The following EPB41L5 variants were observed in gnomAD, a reference collection of about 807,000 sequenced individuals.
EPB41L5 encodes the protein erythrocyte membrane protein band 4.1 like 5, also known as band 4.1-like protein 5.
In EPB41L5, 55 loss-of-function variants were observed where a neutral mutation model predicts 106.6. The ratio of observed to expected loss-of-function variants is 0.52; its 90% confidence interval spans 0.42 to 0.65. The LOEUF (loss-of-function observed/expected upper bound fraction) is 0.65, where lower values mean the gene tolerates loss of function less well. Among genes scored for constraint, EPB41L5 ranks in the 30% least tolerant of loss-of-function variants. EPB41L5 has a pLI of 0.00. For synonymous variants in EPB41L5, 297 were observed against 306.7 expected, an observed-to-expected ratio of 0.97 and a Z score of 0.33; for missense variants, 871 against 882.1, an observed-to-expected ratio of 0.99 and a Z score of 0.16.
intron 2 of EPB41L5, among the ~76,000 whole-genome samples, chr2:120,031,573 G>C (rs1253207757): frequency 6.6e-6 from 1 of 152,096 alleles, no homozygotes; most frequent in East Asian, 1.9e-4. Context: ...ATAGCTACAA[G>C]GTGAGAAAAA....
At position 120,077,235 on chromosome 2, in the gene EPB41L5, A is replaced by G. The variant is rs780015985; in HGVS notation, c.633A>G (p.Gln211=). 2.0e-5 allele frequency: 32 copies of G among 1,608,426 alleles called. 1 individual carries two copies. Among genetic ancestry groups the G allele is most frequent in the South Asian group, 1.1e-5 (1 of 89,368 alleles). ...IFEKWKEYRG[Q]TPAQAETNYL... Reference sequence around the variant, plus strand: ...TCATTGTTTTAAATTTCAGAGGTCAAACACCAGCACAGGCTGAAACCAATT... The same window carrying G: ...TCATTGTTTTAAATTTCAGAGGTCAGACACCAGCACAGGCTGAAACCAATT... Residue 211 remains glutamine, a synonymous_variant, in exon 9 of 25, where the codon CAA becomes CAG. Transcript: ENST00000263713.
At chr2:120,067,198 T>A (rs1198500012) in intron 3 of EPB41L5, among the ~76,000 whole-genome samples, 2 of 152,236 alleles carry the variant, frequency 1.3e-5, no homozygotes, top group African/African-American at 4.8e-5. Flanking sequence ...AAAAAATATT[T>A]GCTGAACATT....
At chr2:120,085,455 A>C (rs760435301) in intron 10 of EPB41L5, among the ~76,000 whole-genome samples, 1 of 152,072 alleles carries the variant, frequency 6.6e-6, no homozygotes, top group Non-Finnish European at 1.5e-5. Context: ...TTGCTGCCTG[A>C]TTGTTCCTCT....
At chr2:120,028,550 G>A (rs1034544823) in intron 2 of EPB41L5, among the ~76,000 whole-genome samples, 2 of 152,006 alleles carry the variant, frequency 1.3e-5, no homozygotes, top group African/African-American at 4.8e-5. Flanking sequence ...AGATACATAG[G>A]TTTAATTTAG....
chr2:120,061,465 C>T (rs1359961260), intron 3 of EPB41L5, among the ~76,000 whole-genome samples: 5 of 151,788 alleles, frequency 3.3e-5, no homozygotes, highest in African/African-American at 7.2e-5. Context: ...CCTCGTGATC[C>T]GCCCGCCTCG....
chr2:120,112,559 T>A (rs571350918), intron 16 of EPB41L5, among the ~76,000 whole-genome samples: 8 of 152,318 alleles, frequency 5.3e-5, no homozygotes, highest in African/African-American at 1.7e-4. Context: ...GTGGTTGAAG[T>A]TAAGAAGGCT....
intron 2 of EPB41L5, among the ~76,000 whole-genome samples, chr2:120,028,550 GT>G (rs1255892801): frequency 6.6e-6 from 1 of 152,006 alleles, no homozygotes; most frequent in Non-Finnish European, 1.5e-5. Context: ...AGATACATAG[GT>G]TTAATTTAGA....
At chr2:120,152,084 G>C (rs1369178676) in intron 20 of EPB41L5, among the ~76,000 whole-genome samples, 1 of 152,180 alleles carries the variant, frequency 6.6e-6, no homozygotes, top group African/African-American at 2.4e-5. Flanking sequence ...GACAAAAACT[G>C]ACATTCTTAT....
At chr2:120,039,898 G>T (rs761470040) in intron 2 of EPB41L5, among the ~76,000 whole-genome samples, 2 of 151,692 alleles carry the variant, frequency 1.3e-5, no homozygotes, top group Non-Finnish European at 2.9e-5. Flanking sequence ...AAGAAGTGGG[G>T]TATCTGACTT....
At chr2:120,087,101 A>T in intron 10 of EPB41L5, 70 bp from the exon 11 acceptor site, 1 of 999,664 alleles carries the variant, frequency 1.0e-6, no homozygotes, top group South Asian at 1.5e-5. Context: ...ATTTGAAATA[A>T]AAACAATTTT....
rs143384506 is a variant in EPB41L5, at chr2:120,160,953, C to T, written c.1866C>T (p.Ala622=). 1.0e-4 allele frequency: 166 copies of T among 1,613,702 alleles called. 2 individuals are homozygous for T. In the South Asian group the frequency reaches 1.2e-3, roughly 11 times the overall value. The change falls in exon 21 of 25, where the codon GCC becomes GCT. Residue 622 remains alanine, a synonymous_variant. Coordinates refer to ENST00000263713, the MANE Select transcript of EPB41L5 (RefSeq NM_020909.4). ...AGACTCTGATGCTTATCACACCTGC[C>T]GACAGTGGTTCTGTTCTAAAGGTAA... ...SLETLMLITP[A]DSGSVLKEAT...
At chr2:120,142,107 C>CTTT (rs75021429) in intron 18 of EPB41L5, among the ~76,000 whole-genome samples, 43 of 71,052 alleles carry the variant, frequency 6.1e-4, no homozygotes, top group Admixed American at 2.7e-3. Context: ...TCTGTGCTTT[C>CTTT]TTTTTTAAAA....
rs747437075 is a variant in EPB41L5, at chr2:120,174,832, T to C, written c.2136-9T>C. The C allele has an allele frequency of 5.6e-6, 9 of 1,614,082 alleles. No individual in the cohort carries two copies. Among genetic ancestry groups the C allele is most frequent in the South Asian group, 1.1e-5 (1 of 91,080 alleles). On this transcript the variant is annotated splice_polypyrimidine_tract_variant and intron_variant, in intron 24 of 24. Coordinates refer to ENST00000263713, the MANE Select transcript of EPB41L5 (RefSeq NM_020909.4). ...GTTCCCTGAGTAACCCATTCTCTCT[T>C]CCTTTCAGCTCTGGTCCCATTTTGG...
At chr2:120,045,338 C>T (rs533139900) in intron 3 of EPB41L5, among the ~76,000 whole-genome samples, 32 of 152,216 alleles carry the variant, frequency 2.1e-4, no homozygotes, top group African/African-American at 6.0e-4. Context: ...GGTTATTTTA[C>T]GTTCATGTAC....
At position 120,153,669 on chromosome 2, in the gene EPB41L5, C is replaced by T. The variant is rs554089925; in HGVS notation, c.1794-7212C>T. On this transcript the variant is annotated intron_variant, in intron 20 of 24. Transcript: ENST00000263713. ...CATATTTTGCTTCATATATTTGGGTCTCTGTTGATAGTTCTGTATATGTTT... is the reference window on the plus strand; with the variant it reads ...CATATTTTGCTTCATATATTTGGGTTTCTGTTGATAGTTCTGTATATGTTT... Among the ~76,000 whole-genome samples the T allele has an allele frequency of 6.2e-4, 95 of 152,224 alleles. No homozygotes were observed. In the Middle Eastern group the frequency reaches 0.017, roughly 27 times the overall value.
At chr2:120,081,226 GT>G (rs1454999059) in intron 10 of EPB41L5, among the ~76,000 whole-genome samples, 8 of 152,070 alleles carry the variant, frequency 5.3e-5, no homozygotes, top group Non-Finnish European at 8.8e-5. Flanking sequence ...TTCTTCTAGG[GT>G]TTTTATGGTT....
intron 2 of EPB41L5, among the ~76,000 whole-genome samples, chr2:120,021,356 A>G (rs577593276): frequency 6.6e-6 from 1 of 150,764 alleles, no homozygotes; most frequent in East Asian, 2.0e-4. Context: ...AGAAAAAGGA[A>G]CAATTGGGCC....
intron 2 of EPB41L5, among the ~76,000 whole-genome samples, chr2:120,022,122 A>T (rs1677974157): frequency 6.6e-6 from 1 of 152,210 alleles, no homozygotes; most frequent in Non-Finnish European, 1.5e-5. Flanking sequence ...TTTAATGTAA[A>T]ACCCTTATAA....
chr2:120,039,312 A>G (rs1363983398), intron 2 of EPB41L5, among the ~76,000 whole-genome samples: 2 of 152,124 alleles, frequency 1.3e-5, no homozygotes, highest in African/African-American at 4.8e-5. Flanking sequence ...TTTAATGGGT[A>G]TAGTGTTTCT....
Sources: allele counts gnomAD v4.1 joint callset (sites outside exome capture counted in the v4.1 genomes callset), GRCh38; gene constraint gnomAD v4.1.1; transcripts MANE v1.5; gene names NCBI Gene and HGNC (gene_info 2026-07-23, HGNC 2026-07-21).